SPMIP2: variants seen among roughly 807,000 people sequenced by gnomAD.
The protein encoded by SPMIP2 is sperm microtubule inner protein 2.
chr4:159,010,453 G>A, the SPMIP2 span, among the ~76,000 whole-genome samples: 1 of 152,120 alleles, frequency 6.6e-6, no homozygotes. Context: ...TCTGAATTCT[G>A]GTAAAGAATC....
chr4:159,070,121 A>G, the SPMIP2 span, among the ~76,000 whole-genome samples: 1 of 151,970 alleles, frequency 6.6e-6, no homozygotes, highest in Non-Finnish European at 1.5e-5. Flanking sequence ...GGTTCTTATT[A>G]CACCCTGCCC....
the SPMIP2 span, chr4:158,915,349 GT>G: frequency 1.9e-6 from 3 of 1,609,710 alleles, no homozygotes; most frequent in African/African-American, 2.7e-5. Flanking sequence ...AGGACATGAG[GT>G]TTTGGTTGCC....
the SPMIP2 span, among the ~76,000 whole-genome samples, chr4:158,947,933 A>T: frequency 6.6e-6 from 1 of 152,234 alleles, no homozygotes; most frequent in Admixed American, 6.5e-5. Flanking sequence ...AATAATTTAG[A>T]TACATGTAGA....
chr4:159,001,907 T>C, the SPMIP2 span, among the ~76,000 whole-genome samples: 2 of 152,336 alleles, frequency 1.3e-5, no homozygotes, highest in South Asian at 4.1e-4. Context: ...TTTTAGCTCT[T>C]TGAGGAAGCG....
the SPMIP2 span, among the ~76,000 whole-genome samples, chr4:158,939,328 T>C: frequency 6.6e-6 from 1 of 152,176 alleles, no homozygotes; most frequent in Admixed American, 6.6e-5. Flanking sequence ...AGTATAAAGA[T>C]CCATAGAACT....
At chr4:158,979,506 C>T in the SPMIP2 span, among the ~76,000 whole-genome samples, 1 of 152,192 alleles carries the variant, frequency 6.6e-6, no homozygotes, top group Non-Finnish European at 1.5e-5. Context: ...GTGATTTCTG[C>T]ATTTCCAACT....
chr4:158,906,691 A>G, the SPMIP2 span: 1 of 152,184 alleles, frequency 6.6e-6, no homozygotes. Flanking sequence ...CCTAATCCTC[A>G]TATCTATTGC....
At chr4:158,985,136 AAT>A in the SPMIP2 span, among the ~76,000 whole-genome samples, 1 of 145,966 alleles carries the variant, frequency 6.9e-6, no homozygotes. Flanking sequence ...TTGTGGCAAT[AAT>A]CAATAGCTTA....
At chr4:159,040,914 T>G in the SPMIP2 span, among the ~76,000 whole-genome samples, 1 of 152,234 alleles carries the variant, frequency 6.6e-6, no homozygotes, top group Non-Finnish European at 1.5e-5. Context: ...TGTGCCTACC[T>G]ATAAGTCAAT....
At chr4:158,946,618 G>A in the SPMIP2 span, among the ~76,000 whole-genome samples, 3 of 152,150 alleles carry the variant, frequency 2.0e-5, no homozygotes, top group African/African-American at 4.8e-5. Context: ...CAGCCATGCA[G>A]AACTGTGCAC....
chr4:158,916,675 G>A, the SPMIP2 span, among the ~76,000 whole-genome samples: 10 of 151,872 alleles, frequency 6.6e-5, no homozygotes, highest in African/African-American at 2.2e-4. Flanking sequence ...ATGGAGTCTC[G>A]CTCTGTCACC....
the SPMIP2 span, among the ~76,000 whole-genome samples, chr4:158,987,910 G>C: frequency 2.7e-4 from 41 of 152,030 alleles, no homozygotes; most frequent in Admixed American, 1.8e-3. Context: ...CAGAACTGAA[G>C]GAGATAGAGA....
chr4:158,965,063 A>C, the SPMIP2 span, among the ~76,000 whole-genome samples: 1 of 152,198 alleles, frequency 6.6e-6, no homozygotes, highest in Non-Finnish European at 1.5e-5. Flanking sequence ...AAGCAATATG[A>C]ATGCTAATTG....
At chr4:158,993,208 T>A in the SPMIP2 span, among the ~76,000 whole-genome samples, 95 of 151,108 alleles carry the variant, frequency 6.3e-4, no homozygotes, top group Middle Eastern at 3.4e-3. Flanking sequence ...AAAAAAAAAA[T>A]TTTTTTAATT....
chr4:159,055,393 C>A, the SPMIP2 span, among the ~76,000 whole-genome samples: 1 of 152,090 alleles, frequency 6.6e-6, no homozygotes, highest in African/African-American at 2.4e-5. Flanking sequence ...TCTCTGTTGC[C>A]ACAAGAACTT....
At chr4:158,965,360 G>T in the SPMIP2 span, among the ~76,000 whole-genome samples, 1 of 152,022 alleles carries the variant, frequency 6.6e-6, no homozygotes, top group Non-Finnish European at 1.5e-5. Flanking sequence ...GCTGGTTGAT[G>T]ATTCCTAGCA....
chr4:158,964,771 C>A, the SPMIP2 span, among the ~76,000 whole-genome samples: 1 of 152,108 alleles, frequency 6.6e-6, no homozygotes, highest in Non-Finnish European at 1.5e-5. Context: ...ACTGGGGAGG[C>A]CTCAGGAAAC....
At chr4:158,943,812 T>A in the SPMIP2 span, among the ~76,000 whole-genome samples, 1 of 150,516 alleles carries the variant, frequency 6.6e-6, no homozygotes. Context: ...CCTAAAAAAA[T>A]CCTACACTTG....
chr4:158,911,164 G>A, the SPMIP2 span, among the ~76,000 whole-genome samples: 1 of 152,076 alleles, frequency 6.6e-6, no homozygotes, highest in Non-Finnish European at 1.5e-5. Context: ...TGAGAAGGAA[G>A]GAGGTAACAT....
Sources: gnomAD v4.1 joint callset for allele counts (sites outside exome capture counted in the v4.1 genomes callset) on GRCh38, gnomAD v4.1.1 for gene constraint, MANE v1.5 for transcripts, NCBI Gene and HGNC (gene_info 2026-07-23, HGNC 2026-07-21) for gene names.